SERPINB7: variants seen among roughly 807,000 people sequenced by gnomAD.
The protein encoded by SERPINB7 is serpin family B member 7, also known as serpin B7.
In SERPINB7, 31 loss-of-function variants were observed where a neutral mutation model predicts 37.4. The ratio of observed to expected loss-of-function variants is 0.83; its 90% CI spans 0.62 to 1.12. The LOEUF is 1.12. SERPINB7 is among the 50% of genes most tolerant of loss of function. The pLI, the probability that SERPINB7 is intolerant of heterozygous loss-of-function variation, is 0.00. For missense variants in SERPINB7, 521 were observed against 455.3 expected (o/e 1.14, Z -1.31); for synonymous variants, 163 against 166.1 (o/e 0.98, Z 0.14).
intron 7 of SERPINB7, among the ~76,000 whole-genome samples, chr18:63,803,325 G>A (rs1336361557): frequency 2.6e-5 from 4 of 151,958 alleles, no homozygotes; most frequent in South Asian, 2.1e-4. Flanking sequence ...ATTCAAATTA[G>A]ACTAAATTTG....
intron 1 of SERPINB7, among the ~76,000 whole-genome samples, chr18:63,761,308 G>T (rs111781905): frequency 0.031 from 4,667 of 152,268 alleles, 104 homozygotes; most frequent in African/African-American, 0.059. Flanking sequence ...TCTCCCATTT[G>T]GAATGGCTGT....
Position 63,797,423 on chromosome 18 carries a change from C to G in SERPINB7, c.454+1040C>G, listed in dbSNP as rs373519458. ...TATAGCACTTATAAATCAAGACAAA[C>G]TATGTAATTATTACTCTTCTAAAAT... On this transcript the variant is annotated intron_variant, in intron 5 of 7. Coordinates refer to ENST00000398019, the MANE Select transcript of SERPINB7 (RefSeq NM_003784.4). Among the ~76,000 whole-genome samples the G allele has an allele frequency of 5.3e-5, 8 of 152,202 alleles. No individual in the cohort carries two copies. In the South Asian group the frequency reaches 1.7e-3, roughly 32 times the overall value.
chr18:63,781,811 A>G (rs1044395907), intron 1 of SERPINB7, among the ~76,000 whole-genome samples: 1 of 152,244 alleles, frequency 6.6e-6, no homozygotes, highest in Non-Finnish European at 1.5e-5. Flanking sequence ...AAATTAATGC[A>G]CTTATGGGAC....
At chr18:63,800,817 A>G in intron 6 of SERPINB7, 49 bp from the exon 7 acceptor site, 1 of 1,599,038 alleles carries the variant, frequency 6.3e-7, no homozygotes. Context: ...TGGTTAATAA[A>G]GTAAAATGAG....
At chr18:63,796,515 T>C in intron 5 of SERPINB7, 132 bp downstream of exon 5, 1 of 546,800 alleles carries the variant, frequency 1.8e-6, no homozygotes, top group East Asian at 2.9e-5. Context: ...TGCTGCTACT[T>C]AAAATTGCTT....
At chr18:63,767,690 A>T (rs1328820533) in intron 1 of SERPINB7, among the ~76,000 whole-genome samples, 5 of 151,936 alleles carry the variant, frequency 3.3e-5, no homozygotes, top group African/African-American at 4.8e-5. Context: ...CCAGCTCATA[A>T]ATGAGCTGGA....
intron 6 of SERPINB7, among the ~76,000 whole-genome samples, chr18:63,799,809 A>T (rs2049527504): frequency 6.6e-6 from 1 of 152,166 alleles, no homozygotes; most frequent in African/African-American, 2.4e-5. Context: ...TGGTTCAAGG[A>T]CAGAGAATTA....
Position 63,798,587 on chromosome 18 carries a change from A to ATT in SERPINB7, c.455-17_455-16insTT. 1 of 1,515,570 alleles carries ATT rather than the reference A, an allele frequency of 6.6e-7. No individual in the cohort carries two copies. The highest frequency in any genetic ancestry group is 8.8e-7 in the Non-Finnish European group (1 of 1,139,856). The allele number at this position is 1,515,570 out of a possible 1,614,324, so 93.9% of individuals were successfully genotyped here. On this transcript the variant is annotated splice_polypyrimidine_tract_variant and intron_variant, in intron 5 of 7. Coordinates refer to ENST00000398019, the MANE Select transcript of SERPINB7 (RefSeq NM_003784.4). ...ATATTAAAATAAACATTTTTCCCTC[A>ATT]ATTTTTTTTTCAAAAGGCAAAATCA...
rs1044649972 is a variant in SERPINB7 at position 63,754,008 on chromosome 18, A to C, written c.-19+888A>C. On this transcript the variant is annotated intron_variant, in intron 1 of 7. Transcript: ENST00000336429. ...GCTCATGGGAAGGGAAAAGATTCTA[A>C]AACCTGTGGCTGATGGAACAGAAAT... is the stretch of plus-strand genomic sequence containing the variant. Among the ~76,000 whole-genome samples the C allele has an allele frequency of 3.3e-5, 5 of 152,206 alleles. No individual in the cohort carries two copies. In the East Asian group the frequency reaches 7.7e-4, roughly 23 times the overall value.
chr18:63,754,521 T>C (rs1462686140), intron 1 of SERPINB7, among the ~76,000 whole-genome samples: 1 of 152,122 alleles, frequency 6.6e-6, no homozygotes, highest in Non-Finnish European at 1.5e-5. Context: ...GGGTGGTCCC[T>C]AGAGGAGCAA....
Position 63,804,832 on chromosome 18 carries a change from C to T in SERPINB7, c.*197C>T, listed in dbSNP as rs527737813. On this transcript the variant is annotated 3_prime_UTR_variant, in exon 8 of 8. Transcript: ENST00000398019. ...TGTCCTGATCCCTGCTCTTAGCATT[C>T]TACCACCATGTGTCTCACCCATTTC... The T allele has an allele frequency of 1.8e-6, 1 of 561,710 alleles. No homozygotes were observed. The highest frequency in any genetic ancestry group is 3.1e-6 in the Non-Finnish European group (1 of 321,960). The allele number at this position is 561,710 out of a possible 1,614,324, so 34.8% of individuals were successfully genotyped here. A position where few individuals can be genotyped will look rare whatever the true frequency, so the allele number is the denominator to read the frequency against.
At chr18:63,780,062 C>CT (rs1188089289) in intron 1 of SERPINB7, among the ~76,000 whole-genome samples, 2 of 152,074 alleles carry the variant, frequency 1.3e-5, no homozygotes, top group Non-Finnish European at 2.9e-5. Context: ...TTTAAAAACT[C>CT]TAACTCACAT....
At chr18:63,801,797 C>G (rs975705359) in intron 7 of SERPINB7, among the ~76,000 whole-genome samples, 4 of 152,108 alleles carry the variant, frequency 2.6e-5, no homozygotes, top group Non-Finnish European at 4.4e-5. Flanking sequence ...AAAGACATCT[C>G]AAAAGGCCAG....
At position 63,782,099 on chromosome 18, in the gene SERPINB7, T is replaced by C. The variant is rs190001475; in HGVS notation, c.-18-256T>C. Among the ~76,000 whole-genome samples, 558 of 152,232 alleles carry C rather than the reference T, an allele frequency of 3.7e-3. 5 individuals carry two copies. The highest frequency in any genetic ancestry group is 0.027 in the Middle Eastern group (8 of 294). On this transcript the variant is annotated intron_variant, in intron 1 of 7. Transcript: ENST00000398019. Reference sequence around the variant, plus strand: ...TAGTGAGCCCCATGAATGTGTCTGCTTGGGGGTTGGAAACAGGCCACTCAC... The same window carrying C: ...TAGTGAGCCCCATGAATGTGTCTGCCTGGGGGTTGGAAACAGGCCACTCAC...
intron 6 of SERPINB7, 132 bp downstream of exon 6, chr18:63,798,878 A>T (rs527416978): frequency 1.1e-6 from 1 of 916,112 alleles, no homozygotes; most frequent in East Asian, 2.7e-5. Context: ...TACCAATATC[A>T]TATGGTCAGT....
Position 63,787,656 on chromosome 18 carries a change from A to AAAAAC in SERPINB7, c.169-4717_169-4713dup, listed in dbSNP as rs539691767. On this transcript the variant is annotated intron_variant, in intron 2 of 7. Coordinates refer to ENST00000398019, the MANE Select transcript of SERPINB7 (RefSeq NM_003784.4). ...TTCCAATGGTAGCTTTAGGACTATT[A>AAAAAC]AAAACAAAACAAAACAAAACAAAAA... is the stretch of plus-strand genomic sequence containing the variant. 1.8e-4 allele frequency among the ~76,000 whole-genome samples: 27 copies of AAAAAC among 152,300 alleles called. No homozygotes were observed. In the East Asian group the frequency reaches 2.7e-3, roughly 15 times the overall value.
At chr18:63,766,643 A>G (rs1413987773) in intron 1 of SERPINB7, among the ~76,000 whole-genome samples, 2 of 151,966 alleles carry the variant, frequency 1.3e-5, no homozygotes. Context: ...TTTCTCCTTC[A>G]CCGTCTATTA....
At chr18:63,768,137 T>A (rs545879873) in intron 1 of SERPINB7, among the ~76,000 whole-genome samples, 1 of 152,220 alleles carries the variant, frequency 6.6e-6, no homozygotes, top group Admixed American at 6.5e-5. Context: ...ATTGATTTTC[T>A]GTATTGTTTT....
intron 2 of SERPINB7, among the ~76,000 whole-genome samples, chr18:63,789,036 G>C (rs1328466248): frequency 6.6e-6 from 1 of 152,142 alleles, no homozygotes; most frequent in Admixed American, 6.5e-5. Context: ...ACTTTGAAGA[G>C]CAGACATCAG....
Sources: gnomAD v4.1 joint callset for allele counts (sites outside exome capture counted in the v4.1 genomes callset) on GRCh38, gnomAD v4.1.1 for gene constraint, MANE v1.5 for transcripts, NCBI Gene and HGNC (gene_info 2026-07-23, HGNC 2026-07-21) for gene names.